SLC47A1: variants seen among roughly 807,000 people sequenced by gnomAD.
SLC47A1 encodes the protein solute carrier family 47 member 1, also known as multidrug and toxin extrusion protein 1.
A neutral mutation model predicts 65.8 loss-of-function variants in SLC47A1; 58 were observed. The ratio of observed to expected loss-of-function variants is 0.88; its 90% CI spans 0.71 to 1.10. The LOEUF (loss-of-function observed/expected upper bound fraction) is 1.10, where lower values mean the gene tolerates loss of function less well. Among genes scored for constraint, SLC47A1 ranks in the 50% least tolerant of loss-of-function variants. The pLI is 0.00. For missense variants in SLC47A1, 706 were observed against 719.2 expected, an observed-to-expected ratio of 0.98 and a Z score of 0.21; for synonymous variants, 285 against 295.0, an observed-to-expected ratio of 0.97 and a Z score of 0.35.
At chr17:19,574,182 CA>C (rs2084421872) in intron 16 of SLC47A1, among the ~76,000 whole-genome samples, 1 of 152,116 alleles carries the variant, frequency 6.6e-6, no homozygotes, top group Non-Finnish European at 1.5e-5. Flanking sequence ...CTCGGCCCCC[CA>C]AAGTGCTGGG....
rs2084457745 is a variant in SLC47A1 at position 19,578,525 on chromosome 17, C to G, written c.*972C>G. The G allele has an allele frequency of 6.0e-6, 1 of 166,876 alleles. No individual in the cohort carries two copies. The highest frequency in any genetic ancestry group is 1.3e-5 in the Non-Finnish European group (1 of 77,480). 10.3% of individuals were successfully genotyped at this position (166,876 alleles called of 1,614,324 possible). ...GACAAAATTTTAATAAAGGTCTTAG[C>G]TTAAGCAGTAATCCTACTTCATTAA... On this transcript the variant is annotated 3_prime_UTR_variant, in exon 17 of 17. Coordinates refer to ENST00000270570, the MANE Select transcript of SLC47A1 (RefSeq NM_018242.3).
At chr17:19,551,370 C>T in intron 5 of SLC47A1, 54 bp from the exon 6 acceptor site, 2 of 1,503,996 alleles carry the variant, frequency 1.3e-6, no homozygotes, top group Non-Finnish European at 1.9e-6. Context: ...TGTGACCTCA[C>T]TTCTGTGTGG....
intron 3 of SLC47A1, among the ~76,000 whole-genome samples, chr17:19,546,778 T>C (rs1476844706): frequency 2.0e-5 from 3 of 152,126 alleles, no homozygotes; most frequent in Admixed American, 6.6e-5. Flanking sequence ...CACGTTTGAA[T>C]TTGGTATAGT....
At chr17:19,546,566 A>G in intron 3 of SLC47A1, 63 bp downstream of exon 3, 1 of 1,502,690 alleles carries the variant, frequency 6.7e-7, no homozygotes, top group Non-Finnish European at 9.2e-7. Context: ...TGTAGATGGA[A>G]GAGCTCCACT....
intron 1 of SLC47A1, chr17:19,534,346 C>A: frequency 2.6e-6 from 1 of 390,088 alleles, no homozygotes; most frequent in Non-Finnish European, 4.6e-6. Context: ...TCGGAGAGGC[C>A]GGCGGCTCCA....
At position 19,547,980 on chromosome 17, in the gene SLC47A1, C is replaced by T. The variant is rs774267894; in HGVS notation, c.307-5C>T. The T allele has an allele frequency of 1.2e-6, 2 of 1,609,936 alleles. No homozygotes were observed. Among genetic ancestry groups the T allele is most frequent in the African/African-American group, 1.3e-5 (1 of 74,786 alleles). ...ATGGGCTCATTTTGGCTGTGTGCAC[C>T]CCAGACGTACGGGAGCCAGAACCTG... On this transcript the variant is annotated splice_region_variant and splice_polypyrimidine_tract_variant and intron_variant, in intron 3 of 16. Coordinates refer to ENST00000270570, the MANE Select transcript of SLC47A1 (RefSeq NM_018242.3).
intron 2 of SLC47A1, among the ~76,000 whole-genome samples, chr17:19,545,873 T>C (rs1249503836): frequency 6.6e-6 from 1 of 152,134 alleles, no homozygotes; most frequent in Admixed American, 6.6e-5. Flanking sequence ...GGCCAGTGTC[T>C]GGTGCCACAT....
chr17:19,577,962 G>A lies in SLC47A1; in HGVS notation c.*409G>A, dbSNP rs1362776190. ...TGGGCCTTAGATTACTATTCACTGG[G>A]CAAATGGTATTTGTTTTTGTTTTAA... On this transcript the variant is annotated 3_prime_UTR_variant, in exon 17 of 17. Transcript: ENST00000270570. 3.1e-6 allele frequency: 4 copies of A among 1,282,822 alleles called. No homozygotes were observed. The highest frequency in any genetic ancestry group is 2.0e-6 in the Non-Finnish European group (2 of 987,514). 79.5% of individuals were successfully genotyped at this position (1,282,822 alleles called of 1,614,324 possible).
intron 1 of SLC47A1, among the ~76,000 whole-genome samples, chr17:19,535,963 T>TTTA (rs984123324): frequency 2.0e-5 from 3 of 152,054 alleles, no homozygotes; most frequent in Non-Finnish European, 4.4e-5. Flanking sequence ...CTATTATTGT[T>TTTA]TTATTATTAT....
At chr17:19,551,154 T>C (rs940608823) in intron 5 of SLC47A1, among the ~76,000 whole-genome samples, 2 of 151,810 alleles carry the variant, frequency 1.3e-5, no homozygotes, top group African/African-American at 4.8e-5. Flanking sequence ...CCCAGAAGAG[T>C]CCTGGCCATT....
intron 15 of SLC47A1, among the ~76,000 whole-genome samples, chr17:19,572,092 T>C (rs1054871944): frequency 5.9e-5 from 9 of 152,292 alleles, no homozygotes; most frequent in African/African-American, 1.9e-4. Context: ...AGTTCGAGGC[T>C]GCAGTCATCT....
chr17:19,553,120 C>T (rs774266925), intron 6 of SLC47A1, among the ~76,000 whole-genome samples: 1 of 151,974 alleles, frequency 6.6e-6, no homozygotes, highest in African/African-American at 2.4e-5. Context: ...ACAGGGCAAC[C>T]ATTAGCTGAG....
Position 19,546,468 on chromosome 17 carries a change from G to A in SLC47A1, c.271G>A (p.Gly91Ser), listed in dbSNP as rs750584659. 6.8e-5 allele frequency: 109 copies of A among 1,613,586 alleles called. No homozygotes were observed. Among genetic ancestry groups the A allele is most frequent in the Admixed American group, 4.0e-4 (24 of 59,922 alleles). ...INVTGVSVGF[G>S]LSSACDTLIS... The stretch of plus-strand genomic sequence containing the variant: ...TGTCACTGGTGTCTCAGTGGGATTC[G>A]GCTTATCTTCTGCCTGTGACACCCT... Residue 91 changes from glycine (G) to serine (S), a missense_variant, in exon 3 of 17, where the codon GGC (glycine) becomes AGC (serine). Physicochemically the swap from Gly to Ser is moderately conservative, Grantham distance 56. Transcript: ENST00000270570.
chr17:19,577,993 T>C lies in SLC47A1; in HGVS notation c.*440T>C. 1 of 1,280,768 alleles carries C rather than the reference T, an allele frequency of 7.8e-7. No individual in the cohort carries two copies. Among genetic ancestry groups the C allele is most frequent in the Non-Finnish European group, 1.0e-6 (1 of 983,080 alleles). 79.3% of individuals were successfully genotyped at this position (1,280,768 alleles called of 1,614,324 possible). A position where few individuals can be genotyped will look rare whatever the true frequency, so the allele number is the denominator to read the frequency against. Reference sequence around the variant, plus strand: ...GGTATTTGTTTTTGTTTTAATTTTTTTTTTAATAGACGGAAGTCTTGCTCT... The same window carrying C: ...GGTATTTGTTTTTGTTTTAATTTTTCTTTTAATAGACGGAAGTCTTGCTCT... On this transcript the variant is annotated 3_prime_UTR_variant, in exon 17 of 17. Transcript: ENST00000270570.
chr17:19,574,493 A>G (rs1318355059), intron 16 of SLC47A1, among the ~76,000 whole-genome samples: 1 of 152,048 alleles, frequency 6.6e-6, no homozygotes, highest in African/African-American at 2.4e-5. Context: ...TCTTCATTAC[A>G]TTGTTTGCAT....
intron 12 of SLC47A1, among the ~76,000 whole-genome samples, chr17:19,565,388 G>T (rs1288967349): frequency 6.6e-6 from 1 of 152,092 alleles, no homozygotes; most frequent in Admixed American, 6.5e-5. Flanking sequence ...ATCCAAACTT[G>T]CCGGGATGAT....
At chr17:19,545,193 TA>T (rs201178076) in intron 2 of SLC47A1, among the ~76,000 whole-genome samples, 3 of 150,806 alleles carry the variant, frequency 2.0e-5, no homozygotes, top group Admixed American at 1.3e-4. Flanking sequence ...CTCTGCTTAA[TA>T]AAAAATTTTT....
chr17:19,544,579 G>T (rs1916236978), intron 2 of SLC47A1, among the ~76,000 whole-genome samples: 1 of 152,150 alleles, frequency 6.6e-6, no homozygotes, highest in Non-Finnish European at 1.5e-5. Context: ...GAAACTTCAG[G>T]GTTTGCTGCT....
At chr17:19,574,026 G>T (rs1439835487) in intron 16 of SLC47A1, among the ~76,000 whole-genome samples, 1 of 150,970 alleles carries the variant, frequency 6.6e-6, no homozygotes, top group Non-Finnish European at 1.5e-5. Flanking sequence ...GGGTTCAAGC[G>T]ATTCTCCTGC....
Sources: gnomAD v4.1 joint callset for allele counts (sites outside exome capture counted in the v4.1 genomes callset) on GRCh38, gnomAD v4.1.1 for gene constraint, MANE v1.5 for transcripts, NCBI Gene and HGNC (gene_info 2026-07-23, HGNC 2026-07-21) for gene names.